The following RBFOX1 variants were observed in gnomAD, a reference collection of about 807,000 sequenced individuals.
The protein encoded by RBFOX1 is RNA binding protein fox-1 homolog 1.
In RBFOX1, 8 loss-of-function variants were observed where a neutral mutation model predicts 57.7. The observed-to-expected ratio is 0.14, with a 90% CI of 0.08 to 0.25. RBFOX1 has a LOEUF of 0.25. Among genes scored for constraint, RBFOX1 ranks in the 10% least tolerant of loss-of-function variants. The pLI, the probability that RBFOX1 is intolerant of heterozygous loss-of-function variation, is 1.00. For synonymous variants in RBFOX1, 326 were observed against 222.4 expected (o/e 1.47, Z -4.15); for missense variants, 611 against 548.5 (o/e 1.11, Z -1.14).
intron 3 of RBFOX1, among the ~76,000 whole-genome samples, chr16:7,037,639 C>G (rs1299406845): frequency 6.6e-6 from 1 of 152,176 alleles, no homozygotes; most frequent in Non-Finnish European, 1.5e-5. Context: ...GTGTGATAGG[C>G]ACTCTTCTAA....
chr16:5,937,718 T>G (rs1442720254), intron 4 of RBFOX1, among the ~76,000 whole-genome samples: 1 of 149,480 alleles, frequency 6.7e-6, no homozygotes, highest in Non-Finnish European at 1.5e-5. Flanking sequence ...TATAGTTATA[T>G]ATAGTTACAT....
Position 7,224,534 on chromosome 16 carries a change from C to G in RBFOX1, c.27+172436C>G, listed in dbSNP as rs138297703. Among the ~76,000 whole-genome samples, 490 of 152,228 alleles carry G rather than the reference C, an allele frequency of 3.2e-3. 5 individuals are homozygous for G. Among genetic ancestry groups the G allele is most frequent in the African/African-American group, 0.011 (445 of 41,532 alleles). ...CTGCCCCTCAGTGCCTCTGATTTAA[C>G]TAGTAAAATCAGAGGGAGGTTTGAG... On this transcript the variant is annotated intron_variant, in intron 4 of 15. Coordinates refer to ENST00000550418, the MANE Select transcript of RBFOX1 (RefSeq NM_018723.4).
intron 15 of RBFOX1, chr16:7,709,540 A>G: frequency 6.5e-7 from 1 of 1,532,918 alleles, no homozygotes; most frequent in Non-Finnish European, 8.7e-7. Flanking sequence ...GCTAAGCTGC[A>G]CACTTCCAGG....
In RBFOX1 at chr16:6,893,041, G is replaced by A. The variant is rs185103995; in HGVS notation, c.-15-159016G>A. On this transcript the variant is annotated intron_variant, in intron 3 of 15. Coordinates refer to ENST00000550418, the MANE Select transcript of RBFOX1 (RefSeq NM_018723.4). ...CACTGCAGTTACCTTTGCACCAACC[G>A]AATACATGATCTTTCTCTTCAGAAC... Among the ~76,000 whole-genome samples, 61 of 152,218 alleles carry A rather than the reference G, an allele frequency of 4.0e-4. No individual in the cohort carries two copies. In the East Asian group the frequency reaches 4.1e-3, roughly 10 times the overall value.
At chr16:6,515,299 A>AGCT (rs1306194441) in intron 2 of RBFOX1, among the ~76,000 whole-genome samples, 1 of 152,198 alleles carries the variant, frequency 6.6e-6, no homozygotes, top group African/African-American at 2.4e-5. Context: ...TTTTATGCTC[A>AGCT]GCTGCTAGGC....
chr16:5,318,326 G>A (rs1260186829), intron 1 of RBFOX1, among the ~76,000 whole-genome samples: 3 of 151,866 alleles, frequency 2.0e-5, no homozygotes, highest in Non-Finnish European at 4.4e-5. Context: ...ATGGGGTTTT[G>A]CCATATCGGC....
intron 4 of RBFOX1, among the ~76,000 whole-genome samples, chr16:5,949,598 T>TCTC (rs2059478450): frequency 6.6e-6 from 1 of 151,594 alleles, no homozygotes; most frequent in Non-Finnish European, 1.5e-5. Context: ...GGTTACAATG[T>TCTC]CTCGAGTCTT....
intron 4 of RBFOX1, among the ~76,000 whole-genome samples, chr16:7,517,758 G>C (rs552782655): frequency 2.6e-5 from 4 of 151,286 alleles, no homozygotes; most frequent in African/African-American, 9.7e-5. Context: ...TCAAGGTTCT[G>C]CTGTCACTGC....
intron 13 of RBFOX1, among the ~76,000 whole-genome samples, chr16:7,670,343 T>G (rs1370005926): frequency 6.6e-6 from 1 of 152,148 alleles, no homozygotes; most frequent in African/African-American, 2.4e-5. Context: ...ACAGGAAACT[T>G]TTTTTTCCAG....
At chr16:5,332,137 C>T (rs1447071804) in intron 1 of RBFOX1, among the ~76,000 whole-genome samples, 2 of 152,172 alleles carry the variant, frequency 1.3e-5, no homozygotes, top group South Asian at 2.1e-4. Flanking sequence ...CTCTACCTTT[C>T]TCCTTGGCTT....
At chr16:7,445,109 C>G (rs2098798274) in intron 4 of RBFOX1, among the ~76,000 whole-genome samples, 1 of 150,774 alleles carries the variant, frequency 6.6e-6, no homozygotes, top group African/African-American at 2.5e-5. Flanking sequence ...ATGCTTGGTG[C>G]TGATGAGGAA....
Position 6,949,670 on chromosome 16 carries a change from C to G in RBFOX1, c.-15-102387C>G, listed in dbSNP as rs567574238. Among the ~76,000 whole-genome samples the G allele has an allele frequency of 7.8e-4, 119 of 152,214 alleles. 1 individual carries two copies. In the East Asian group the frequency reaches 0.012, roughly 16 times the overall value. On this transcript the variant is annotated intron_variant, in intron 3 of 15. Transcript: ENST00000550418. ...TGGATTAAATCCCCAACCTTATGAC[C>G]TCCTTTGACCTTAATTACCTCCTTC... is the stretch of plus-strand genomic sequence containing the variant.
chr16:5,784,180 G>C (rs2054419673), intron 3 of RBFOX1, among the ~76,000 whole-genome samples: 3 of 152,152 alleles, frequency 2.0e-5, no homozygotes, highest in Admixed American at 2.0e-4. Context: ...CCAGCACTTT[G>C]GGAGGCTAAG....
rs548255748 is a variant in RBFOX1 at position 6,724,335 on chromosome 16, C to A, written c.-16+69685C>A. ...AGCAGTTCTCTTGCCTCAGCCTCCC[C>A]AGTTGGTGGGATTACAGGTGCACTC... On this transcript the variant is annotated intron_variant, in intron 3 of 15. Coordinates refer to ENST00000550418, the MANE Select transcript of RBFOX1 (RefSeq NM_018723.4). Among the ~76,000 whole-genome samples, 12 of 151,972 alleles carry A rather than the reference C, an allele frequency of 7.9e-5. 1 individual carries two copies. The South Asian group carries it at 2.1e-3, about 26-fold the overall frequency.
chr16:7,327,074 C>T (rs960229644), intron 4 of RBFOX1, among the ~76,000 whole-genome samples: 4 of 152,174 alleles, frequency 2.6e-5, no homozygotes, highest in Admixed American at 1.3e-4. Context: ...CTGAACCAAA[C>T]ACAATGCTGA....
At chr16:6,145,504 C>T (rs554170771) in intron 1 of RBFOX1, among the ~76,000 whole-genome samples, 11 of 151,314 alleles carry the variant, frequency 7.3e-5, no homozygotes, top group South Asian at 4.2e-4. Flanking sequence ...CATATGTGTG[C>T]GTGTGTCTTT....
chr16:5,826,866 C>T (rs187917437), intron 3 of RBFOX1, among the ~76,000 whole-genome samples: 207 of 152,128 alleles, frequency 1.4e-3, no homozygotes, highest in African/African-American at 4.7e-3. Context: ...TGAAGGGATC[C>T]GTGGCAGGAG....
intron 2 of RBFOX1, among the ~76,000 whole-genome samples, chr16:6,623,879 A>C (rs1276822017): frequency 6.6e-6 from 1 of 152,150 alleles, no homozygotes; most frequent in African/African-American, 2.4e-5. Flanking sequence ...AGTCTTTGCT[A>C]TTGTGAATAG....
At chr16:7,440,467 A>G (rs990224927) in intron 4 of RBFOX1, among the ~76,000 whole-genome samples, 1 of 152,162 alleles carries the variant, frequency 6.6e-6, no homozygotes, top group African/African-American at 2.4e-5. Context: ...AATGATGGGT[A>G]TGGCTTATGA....
Sources: gnomAD v4.1 joint callset for allele counts (sites outside exome capture counted in the v4.1 genomes callset) on GRCh38, gnomAD v4.1.1 for gene constraint, MANE v1.5 for transcripts, NCBI Gene and HGNC (gene_info 2026-07-23, HGNC 2026-07-21) for gene names.